The following ITGAL variants were observed in gnomAD, a reference collection of about 807,000 sequenced individuals.
ITGAL encodes integrin alpha-L.
ITGAL carries 68 observed loss-of-function variants against 138.4 expected under a neutral mutation model. The ratio of observed to expected loss-of-function variants is 0.49; its 90% confidence interval spans 0.40 to 0.60. ITGAL has a LOEUF of 0.60. ITGAL is among the 20% of genes least tolerant of loss of function. The probability of loss-of-function intolerance (pLI) is 0.00; values close to 1 mark genes in which losing one functional copy is unlikely to be tolerated. For synonymous variants in ITGAL, 561 were observed against 584.3 expected (o/e 0.96, Z 0.57); for missense variants, 1,256 against 1,478.6 (o/e 0.85, Z 2.47).
chr16:30,504,256 C>A lies in ITGAL; in HGVS notation c.2227C>A (p.Gln743Lys). ...LWEEEGTPRD[Q>K]RAQGKDIPPI... is the part of the protein sequence containing the mutation. ...GGAGGAGGAAGGGACACCGAGGGAC[C>A]AAAGGGCGGTAAGAAGAGATGGCTA... The change falls in exon 18 of 31, where the codon CAA (glutamine) becomes AAA (lysine). Residue 743 changes from glutamine (Q) to lysine (K), a missense_variant. Around this residue, in one of 3 missense-constraint regions of ITGAL, gnomAD observed 867 missense variants for 972.5 expected, o/e 0.89. Coordinates refer to ENST00000356798, the MANE Select transcript of ITGAL (RefSeq NM_002209.3). The A allele has an allele frequency of 6.2e-7, 1 of 1,611,384 alleles. No individual in the cohort carries two copies. The highest frequency in any genetic ancestry group is 8.5e-7 in the Non-Finnish European group (1 of 1,177,622).
rs2050969926 is a variant in ITGAL at position 30,505,263 on chromosome 16, C to A, written c.2255C>A (p.Pro752His). The A allele has an allele frequency of 1.2e-6, 2 of 1,610,766 alleles. No individual in the cohort carries two copies. The highest frequency in any genetic ancestry group is 1.7e-5 in the Admixed American group (1 of 59,904). Residue 752 changes from proline to histidine, a missense_variant, in exon 19 of 31, where the codon CCC (proline) becomes CAC (histidine). By Grantham distance (77) the Pro-to-His change is moderately conservative. Coordinates refer to ENST00000356798, the MANE Select transcript of ITGAL (RefSeq NM_002209.3). ...GCTCAGCAGGGCAAGGACATACCGC[C>A]CATCCTGAGACCCTCCCTGCACTCG... ...DQRAQGKDIP[P>H]ILRPSLHSET...
chr16:30,492,427 T>G (rs1415858391), intron 11 of ITGAL, among the ~76,000 whole-genome samples: 1 of 150,738 alleles, frequency 6.6e-6, no homozygotes, highest in Non-Finnish European at 1.5e-5. Context: ...ATTTTTTGTA[T>G]TTTTAGTAGT....
intron 24 of ITGAL, among the ~76,000 whole-genome samples, chr16:30,512,317 T>G (rs2151203078): frequency 1.3e-5 from 2 of 152,252 alleles, no homozygotes; most frequent in African/African-American, 4.8e-5. Flanking sequence ...CCAGGTGTGG[T>G]GGCTCACACC....
At chr16:30,513,663 A>G (rs1199715866) in intron 24 of ITGAL, 108 bp from the exon 25 acceptor site, 9 of 775,904 alleles carry the variant, frequency 1.2e-5, no homozygotes, top group Non-Finnish European at 2.0e-5. Context: ...GGATTGAATG[A>G]GATGGTATCT....
In ITGAL at chr16:30,505,430, G is replaced by A. The variant is rs200200372; in HGVS notation, c.2334G>A (p.Glu778=). The A allele has an allele frequency of 3.7e-6, 6 of 1,614,034 alleles. No homozygotes were observed. Among genetic ancestry groups the A allele is most frequent in the Non-Finnish European group, 4.2e-6 (5 of 1,180,008 alleles). ...EKNCGEDKKC[E]ANLRVSFSPA... Reference sequence around the variant, plus strand: ...ACTGTGGGGAGGACAAGAAGTGTGAGGCAAACTTGAGAGTGTCCTTCTCTC... The same window carrying A: ...ACTGTGGGGAGGACAAGAAGTGTGAAGCAAACTTGAGAGTGTCCTTCTCTC... The change falls in exon 20 of 31, where the codon GAG becomes GAA. Residue 778 remains glutamate, a synonymous_variant. Transcript: ENST00000356798.
rs772562509 is a variant in ITGAL at position 30,496,130 on chromosome 16, G to A, written c.1537G>A (p.Asp513Asn). 5.0e-6 allele frequency: 8 copies of A among 1,613,880 alleles called. No individual in the cohort carries two copies. The highest frequency in any genetic ancestry group is 1.1e-5 in the South Asian group (1 of 91,080). The change falls in exon 14 of 31, where the codon GAC (aspartate) becomes AAC (asparagine). Residue 513 changes from aspartate (D) to asparagine (N), a missense_variant. Around this residue, in one of 3 missense-constraint regions of ITGAL, gnomAD observed 867 missense variants for 972.5 expected, o/e 0.89. Coordinates refer to ENST00000356798, the MANE Select transcript of ITGAL (RefSeq NM_002209.3). Reference protein sequence around the residue: ...GFEEVSELQGDPGYPLGRFGE... With the variant: ...GFEEVSELQGNPGYPLGRFGE... ...TGAAGAAGTCTCAGAGCTGCAGGGG[G>A]ACCCCGGCTACCCACTCGGGCGGTT...
chr16:30,496,282 C>T lies in ITGAL; in HGVS notation c.1689C>T (p.Pro563=). The T allele has an allele frequency of 6.3e-7, 1 of 1,599,570 alleles. No individual in the cohort carries two copies. The highest frequency in any genetic ancestry group is 8.5e-7 in the Non-Finnish European group (1 of 1,171,666). The change falls in exon 14 of 31, where the codon CCC becomes CCT. Residue 563 remains proline (P), a synonymous_variant. Coordinates refer to ENST00000356798, the MANE Select transcript of ITGAL (RefSeq NM_002209.3). ...ATGGGAGGCACGGGGGGCTTAGTCC[C>T]CAGCCAAGTCAGGTGACGTATGCTG... ...IFNGRHGGLS[P]QPSQRIEGTQ... is the part of the protein sequence containing the mutation.
chr16:30,511,362 A>T (rs1051960960), intron 24 of ITGAL, among the ~76,000 whole-genome samples: 15 of 152,248 alleles, frequency 9.9e-5, no homozygotes, highest in Admixed American at 2.0e-4. Context: ...TGATGGAAGA[A>T]AAAGCTCATT....
At position 30,472,895 on chromosome 16, in the gene ITGAL, T is replaced by G; in HGVS notation, c.58T>G (p.Phe20Val). 3.7e-6 allele frequency: 6 copies of G among 1,612,856 alleles called. No individual in the cohort carries two copies. Among genetic ancestry groups the G allele is most frequent in the Non-Finnish European group, 1.7e-6 (2 of 1,179,718 alleles). ...AMALLSGFFF[F>V]APASSYNLDV... ...GGCGCTGCTGTCTGGGTTCTTTTTC[T>G]TCGGTAGGCAAGGGAGGAGGCAGGG... Residue 20 changes from phenylalanine (F) to valine (V), a missense_variant, in exon 1 of 31, where the codon TTC becomes GTC. By Grantham distance (50) the Phe-to-Val change is conservative. Coordinates refer to ENST00000356798, the MANE Select transcript of ITGAL (RefSeq NM_002209.3).
At chr16:30,511,433 G>A (rs1229519253) in intron 24 of ITGAL, among the ~76,000 whole-genome samples, 1 of 152,192 alleles carries the variant, frequency 6.6e-6, no homozygotes, top group Non-Finnish European at 1.5e-5. Flanking sequence ...GACATTGCCT[G>A]GAGCCCTCAG....
At chr16:30,484,769 A>C (rs950334465) in intron 9 of ITGAL, among the ~76,000 whole-genome samples, 2 of 151,874 alleles carry the variant, frequency 1.3e-5, no homozygotes, top group Non-Finnish European at 2.9e-5. Flanking sequence ...AAATACAAAA[A>C]TTAGCTGGGC....
intron 11 of ITGAL, among the ~76,000 whole-genome samples, chr16:30,493,596 T>C (rs894703756): frequency 6.6e-6 from 1 of 151,970 alleles, no homozygotes; most frequent in African/African-American, 2.4e-5. Flanking sequence ...ATTTATTATT[T>C]AAGAAAAAAG....
At chr16:30,495,993 C>A (rs1239112320) in intron 13 of ITGAL, 104 bp from the exon 14 acceptor site, 2 of 942,496 alleles carry the variant, frequency 2.1e-6, no homozygotes, top group Non-Finnish European at 3.4e-6. Context: ...CATTCCAATT[C>A]TGTGAGGGAC....
At chr16:30,519,095 C>T (rs1009030310) in intron 29 of ITGAL, among the ~76,000 whole-genome samples, 8 of 151,962 alleles carry the variant, frequency 5.3e-5, no homozygotes, top group African/African-American at 1.5e-4. Flanking sequence ...TGATGGTGGG[C>T]GCCTGTAATC....
chr16:30,517,032 G>A lies in ITGAL; in HGVS notation c.2922G>A (p.Gly974=), dbSNP rs1281528156. Residue 974 remains glycine, a synonymous_variant, in exon 26 of 31, where the codon GGG becomes GGA. Coordinates refer to ENST00000356798, the MANE Select transcript of ITGAL (RefSeq NM_002209.3). The part of the protein sequence containing the change: ...HNIPTLEAVV[G]VPQPPSEGPI... ...TACCCACCCTGGAGGCTGTGGTTGG[G>A]GTGCCACAGCCTCCCAGCGAGGGGC... is the stretch of plus-strand genomic sequence containing the variant. 2 of 1,613,620 alleles carry A rather than the reference G, an allele frequency of 1.2e-6. No homozygotes were observed. The highest frequency in any genetic ancestry group is 3.3e-5 in the Admixed American group (2 of 59,978).
At chr16:30,490,327 G>A (rs1409080977) in intron 11 of ITGAL, among the ~76,000 whole-genome samples, 3 of 150,730 alleles carry the variant, frequency 2.0e-5, no homozygotes, top group Non-Finnish European at 2.9e-5. Context: ...ACAATAAGCC[G>A]ATAGTTCCTC....
chr16:30,508,101 G>C (rs560270083), intron 21 of ITGAL, among the ~76,000 whole-genome samples: 2 of 151,196 alleles, frequency 1.3e-5, no homozygotes, highest in African/African-American at 4.9e-5. Flanking sequence ...GTAGAGACGG[G>C]GTTTCACTGT....
chr16:30,520,010 G>T, intron 30 of ITGAL, 43 bp downstream of exon 30: 2 of 1,397,462 alleles, frequency 1.4e-6, no homozygotes, highest in East Asian at 2.3e-5. Flanking sequence ...AGACAGCCAG[G>T]CTGGGGAAGG....
chr16:30,494,988 T>C lies in ITGAL; in HGVS notation c.1503+138T>C, dbSNP rs2050779261. 3.4e-6 allele frequency: 3 copies of C among 872,930 alleles called. No individual in the cohort carries two copies. In the South Asian group the frequency reaches 6.0e-5, roughly 18 times the overall value. 54.1% of individuals were successfully genotyped at this position (872,930 alleles called of 1,614,324 possible). ...ACGACAGAGAGGCAATAGCAAATCCTCACTGGGGAAAGACTGTATGCAGGG... is the reference window on the plus strand; with the variant it reads ...ACGACAGAGAGGCAATAGCAAATCCCCACTGGGGAAAGACTGTATGCAGGG... On this transcript the variant is annotated intron_variant, in intron 13 of 30. Coordinates refer to ENST00000356798, the MANE Select transcript of ITGAL (RefSeq NM_002209.3). The surrounding 1 kb of genome is among the most constrained non-coding windows in gnomAD (Gnocchi z 4.2).
Sources: gnomAD v4.1 joint callset for allele counts (sites outside exome capture counted in the v4.1 genomes callset) on GRCh38, gnomAD v4.1.1 for gene constraint, gnomAD v4.1.1 regional missense constraint, Gnocchi (gnomAD v3.1) non-coding constraint, MANE v1.5 for transcripts, NCBI Gene and HGNC (gene_info 2026-07-23, HGNC 2026-07-21) for gene names.